Variants in CNTN4 observed in about 807,000 individuals in gnomAD.
CNTN4 encodes contactin 4, also known as contactin-4.
Under a neutral mutation model 122.5 loss-of-function variants are expected in CNTN4, and 77 were observed. The observed-to-expected ratio is 0.63, with a 90% CI of 0.52 to 0.76. The LOEUF (loss-of-function observed/expected upper bound fraction) is 0.76, where lower values mean the gene tolerates loss of function less well. Among genes scored for constraint, CNTN4 ranks in the 30% least tolerant of loss-of-function variants. The pLI is 0.00. For synonymous variants in CNTN4, 512 were observed against 447.0 expected, an observed-to-expected ratio of 1.15 and a Z score of -1.83; for missense variants, 1,256 against 1,259.1, an observed-to-expected ratio of 1.00 and a Z score of 0.04.
intron 2 of CNTN4, among the ~76,000 whole-genome samples, chr3:2,120,384 T>TAA (rs2033664581): frequency 6.7e-5 from 2 of 29,882 alleles, no homozygotes; most frequent in East Asian, 1.0e-3. Flanking sequence ...AATATATATA[T>TAA]ATATATATAT....
At position 2,909,979 on chromosome 3, in the gene CNTN4, C is replaced by T. The variant is rs572713306; in HGVS notation, c.1207+6974C>T. ...ATTGAACATAGTCTCCCTACCAAAA[C>T]ATCTGATTTTGGATCAAAAAGCACT... On this transcript the variant is annotated intron_variant, in intron 12 of 24. Coordinates refer to ENST00000418658, the MANE Select transcript of CNTN4 (RefSeq NM_175607.3). 1.7e-4 allele frequency among the ~76,000 whole-genome samples: 26 copies of T among 152,334 alleles called. No homozygotes were observed. The South Asian group carries it at 5.4e-3, about 32-fold the overall frequency.
intron 13 of CNTN4, among the ~76,000 whole-genome samples, chr3:2,933,014 A>C (rs549550318): frequency 6.6e-6 from 1 of 151,870 alleles, no homozygotes; most frequent in East Asian, 2.0e-4. Flanking sequence ...AGTAGAGACG[A>C]AGTTTCACCG....
chr3:2,955,439 C>G (rs564866221), intron 13 of CNTN4, among the ~76,000 whole-genome samples: 1 of 152,162 alleles, frequency 6.6e-6, no homozygotes, highest in Non-Finnish European at 1.5e-5. Context: ...TGTTCTCAGA[C>G]AGGTGTCATC....
intron 4 of CNTN4, among the ~76,000 whole-genome samples, chr3:2,701,959 T>C (rs1248099707): frequency 6.6e-6 from 1 of 152,170 alleles, no homozygotes; most frequent in African/African-American, 2.4e-5. Context: ...GCATGAGTTC[T>C]CCAAAATTAT....
intron 4 of CNTN4, among the ~76,000 whole-genome samples, chr3:2,698,475 C>A (rs187614758): frequency 6.6e-6 from 1 of 152,030 alleles, no homozygotes; most frequent in Non-Finnish European, 1.5e-5. Flanking sequence ...GTGACCACAG[C>A]GAAGGCACTG....
intron 2 of CNTN4, among the ~76,000 whole-genome samples, chr3:2,149,030 G>A (rs1034198527): frequency 1.3e-5 from 2 of 151,802 alleles, no homozygotes; most frequent in African/African-American, 4.8e-5. Flanking sequence ...AAACACTGAA[G>A]TATTATAAAC....
At chr3:2,602,035 T>C (rs2081068371) in intron 4 of CNTN4, among the ~76,000 whole-genome samples, 1 of 152,150 alleles carries the variant, frequency 6.6e-6, no homozygotes. Flanking sequence ...TTCAACAAAA[T>C]TCAACAGCTC....
rs183785758 is a variant in CNTN4 at position 2,163,341 on chromosome 3, C to T, written c.-145+62702C>T. 4.6e-3 allele frequency among the ~76,000 whole-genome samples: 693 copies of T among 152,144 alleles called. 4 individuals carry two copies. The highest frequency in any genetic ancestry group is 0.027 in the Middle Eastern group (8 of 294). ...CTGTGTCCTCATCTCTCACCTTATA[C>T]AAAAATCAACTCAAGATTCATCAAA... On this transcript the variant is annotated intron_variant, in intron 2 of 24. Transcript: ENST00000418658.
intron 2 of CNTN4, among the ~76,000 whole-genome samples, chr3:2,330,779 G>T (rs1277476030): frequency 6.6e-6 from 1 of 152,054 alleles, no homozygotes; most frequent in Non-Finnish European, 1.5e-5. Context: ...TTAGACTCTG[G>T]CATTCTATAG....
At chr3:2,964,445 T>C (rs1692093690) in intron 13 of CNTN4, among the ~76,000 whole-genome samples, 1 of 152,192 alleles carries the variant, frequency 6.6e-6, no homozygotes, top group Admixed American at 6.5e-5. Flanking sequence ...ATCTCTAAAA[T>C]TGGAAGACTT....
rs111524798 is a variant in CNTN4, at chr3:2,470,546, A to G, written c.-88-100870A>G. Among the ~76,000 whole-genome samples, 1,498 of 152,202 alleles carry G rather than the reference A, an allele frequency of 9.8e-3. 31 individuals are homozygous for G. Among genetic ancestry groups the G allele is most frequent in the African/African-American group, 0.034 (1,423 of 41,508 alleles). ...GTAGATGTATCTCTTAACTTCACAT[A>G]TAGTCTCATTTCTGCTCCTGTCTTA... On this transcript the variant is annotated intron_variant, in intron 3 of 24. Coordinates refer to ENST00000418658, the MANE Select transcript of CNTN4 (RefSeq NM_175607.3).
chr3:2,863,444 C>CTTTTTTTTTTTTTT (rs5846228), intron 7 of CNTN4, among the ~76,000 whole-genome samples: 1 of 92,362 alleles, frequency 1.1e-5, no homozygotes, highest in African/African-American at 4.3e-5. Flanking sequence ...ATGGTTTCTT[C>CTTTTTTTTTTTTTT]TTTTTTTTTT....
At chr3:2,684,492 T>C (rs1213365314) in intron 4 of CNTN4, among the ~76,000 whole-genome samples, 1 of 152,164 alleles carries the variant, frequency 6.6e-6, no homozygotes, top group East Asian at 1.9e-4. Context: ...TGTTTCTCTT[T>C]AAGTGTGGCC....
intron 7 of CNTN4, among the ~76,000 whole-genome samples, chr3:2,844,142 C>T (rs2093414778): frequency 6.6e-6 from 1 of 152,214 alleles, no homozygotes; most frequent in African/African-American, 2.4e-5. Context: ...CCAGATACCT[C>T]GTGGCTTGCA....
At chr3:2,541,286 C>G (rs1203933370) in intron 3 of CNTN4, among the ~76,000 whole-genome samples, 1 of 151,954 alleles carries the variant, frequency 6.6e-6, no homozygotes, top group Non-Finnish European at 1.5e-5. Context: ...TAGTTTTTTT[C>G]TTTTTCTGGA....
At position 2,925,667 on chromosome 3, in the gene CNTN4, G is replaced by C; in HGVS notation, c.1246G>C (p.Val416Leu). 1 of 1,614,046 alleles carries C rather than the reference G, an allele frequency of 6.2e-7. No individual in the cohort carries two copies. ...PDFSRTLLKR[V>L]TLVKVGGEVV... Reference sequence around the variant, plus strand: ...TTTTTCAAGAACACTCTTGAAAAGAGTAACTCTTGTCAAAGTGGGAGGTGA... The same window carrying C: ...TTTTTCAAGAACACTCTTGAAAAGACTAACTCTTGTCAAAGTGGGAGGTGA... Residue 416 changes from valine to leucine, a missense_variant, in exon 13 of 25, where the codon GTA (valine) becomes CTA (leucine). Val to Leu is a conservative substitution (Grantham distance 32, BLOSUM62 1). Transcript: ENST00000418658.
At chr3:2,648,998 C>T (rs1450956136) in intron 4 of CNTN4, among the ~76,000 whole-genome samples, 2 of 152,134 alleles carry the variant, frequency 1.3e-5, no homozygotes, top group African/African-American at 4.8e-5. Context: ...TAAGCGAAAG[C>T]CTAATCCAAA....
At chr3:2,673,316 C>G (rs1251008023) in intron 4 of CNTN4, among the ~76,000 whole-genome samples, 1 of 152,104 alleles carries the variant, frequency 6.6e-6, no homozygotes, top group African/African-American at 2.4e-5. Flanking sequence ...GGGTCTAAGC[C>G]AGCTTCTCCT....
chr3:2,207,347 A>G (rs1178463097), intron 2 of CNTN4, among the ~76,000 whole-genome samples: 2 of 152,156 alleles, frequency 1.3e-5, no homozygotes, highest in East Asian at 1.9e-4. Flanking sequence ...TGAGGAAGGC[A>G]TGTCGAAAGC....
Sources: allele counts gnomAD v4.1 joint callset (sites outside exome capture counted in the v4.1 genomes callset), GRCh38; gene constraint gnomAD v4.1.1; transcripts MANE v1.5; gene names NCBI Gene and HGNC (gene_info 2026-07-23, HGNC 2026-07-21).